NUDCD3: variants seen among roughly 807,000 people sequenced by gnomAD.
NUDCD3 encodes the protein NudC domain containing 3.
Under a neutral mutation model 39.7 loss-of-function variants are expected in NUDCD3, and 13 were observed. That is an observed-to-expected ratio of 0.33 (90% CI 0.21 to 0.52). NUDCD3 has a LOEUF of 0.52. NUDCD3 is among the 20% of genes least tolerant of loss of function. The pLI is 0.96. For synonymous variants in NUDCD3, 175 were observed against 172.4 expected (o/e 1.02, Z -0.12); for missense variants, 453 against 458.1 (o/e 0.99, Z 0.10).
At chr7:44,404,821 G>A (rs1563166964) in intron 3 of NUDCD3, among the ~76,000 whole-genome samples, 2 of 152,200 alleles carry the variant, frequency 1.3e-5, no homozygotes, top group East Asian at 1.9e-4. Context: ...AACTGGTAAC[G>A]TAAAATGCTG....
intron 2 of NUDCD3, among the ~76,000 whole-genome samples, chr7:44,474,182 CAA>C (rs11443298): frequency 0.16 from 18,910 of 119,826 alleles, 1,557 homozygotes; most frequent in Non-Finnish European, 0.23. Context: ...TTTCCAACAT[CAA>C]AAAAAAAAAA....
At chr7:44,451,437 C>T (rs777234965) in intron 2 of NUDCD3, among the ~76,000 whole-genome samples, 4 of 152,074 alleles carry the variant, frequency 2.6e-5, no homozygotes, top group African/African-American at 7.2e-5. Context: ...ACAATGTGAA[C>T]GTACTTAATG....
intron 5 of NUDCD3, among the ~76,000 whole-genome samples, chr7:44,388,481 TA>T (rs1563162266): frequency 6.6e-6 from 1 of 152,156 alleles, no homozygotes; most frequent in Non-Finnish European, 1.5e-5. Context: ...TTTGATTTTC[TA>T]AAAAAAGGCT....
At chr7:44,463,390 AT>A (rs1452172192) in intron 2 of NUDCD3, among the ~76,000 whole-genome samples, 3 of 152,214 alleles carry the variant, frequency 2.0e-5, no homozygotes, top group Admixed American at 2.0e-4. Flanking sequence ...AGCAGCTGAC[AT>A]AGTCCATGCC....
At chr7:44,471,294 T>C (rs1800252211) in intron 2 of NUDCD3, among the ~76,000 whole-genome samples, 1 of 152,258 alleles carries the variant, frequency 6.6e-6, no homozygotes, top group Non-Finnish European at 1.5e-5. Context: ...ACAATGAAAA[T>C]GCTATGTAAA....
At chr7:44,473,432 A>C (rs1051443762) in intron 2 of NUDCD3, among the ~76,000 whole-genome samples, 2 of 152,172 alleles carry the variant, frequency 1.3e-5, no homozygotes, top group African/African-American at 2.4e-5. Flanking sequence ...AAGAGTTGTG[A>C]GGACAGTGAA....
chr7:44,437,375 T>C (rs751710505), intron 2 of NUDCD3, among the ~76,000 whole-genome samples: 6 of 152,198 alleles, frequency 3.9e-5, no homozygotes, highest in Non-Finnish European at 5.9e-5. Flanking sequence ...GCCATTACCA[T>C]TCGACCTTTG....
At chr7:44,415,049 T>C (rs941973686) in intron 3 of NUDCD3, among the ~76,000 whole-genome samples, 16 of 152,182 alleles carry the variant, frequency 1.1e-4, no homozygotes, top group African/African-American at 3.4e-4. Flanking sequence ...TGTCACTCAA[T>C]AACATCCAAT....
chr7:44,468,186 C>T, intron 2 of NUDCD3: 2 of 1,601,408 alleles, frequency 1.2e-6, no homozygotes, highest in East Asian at 2.2e-5. Flanking sequence ...TCTTACTGTG[C>T]CGAGATCGCT....
intron 2 of NUDCD3, among the ~76,000 whole-genome samples, chr7:44,447,846 C>G (rs1799715431): frequency 6.6e-6 from 1 of 152,140 alleles, no homozygotes; most frequent in African/African-American, 2.4e-5. Context: ...AAGGGACAGG[C>G]CATCAGCAAG....
At chr7:44,423,363 CAG>C (rs1799175428) in intron 3 of NUDCD3, among the ~76,000 whole-genome samples, 1 of 152,156 alleles carries the variant, frequency 6.6e-6, no homozygotes, top group Non-Finnish European at 1.5e-5. Context: ...TCTCTGTTTG[CAG>C]ATGACATGAT....
intron 4 of NUDCD3, among the ~76,000 whole-genome samples, chr7:44,400,751 T>C (rs1182216598): frequency 1.3e-5 from 2 of 152,348 alleles, no homozygotes; most frequent in East Asian, 1.9e-4. Context: ...TTGGTGGTTA[T>C]ATCATTCATC....
chr7:44,456,693 C>A lies in NUDCD3; in HGVS notation c.509+28275G>T, dbSNP rs190894032. On this transcript the variant is annotated intron_variant, in intron 2 of 5. Transcript: ENST00000355451. ...ATTGCTTGAGCCCAGGAGGTCGAGG[C>A]TACAGTGAGCCATGATTGCACCACT... Among the ~76,000 whole-genome samples the A allele has an allele frequency of 3.3e-5, 5 of 151,702 alleles. No homozygotes were observed. In the East Asian group the frequency reaches 7.7e-4, roughly 23 times the overall value.
At chr7:44,477,885 G>A (rs1800408601) in intron 2 of NUDCD3, among the ~76,000 whole-genome samples, 1 of 143,870 alleles carries the variant, frequency 7.0e-6, no homozygotes, top group Admixed American at 7.1e-5. Context: ...CCAGGCTGGA[G>A]TGCAGTGGCA....
Position 44,419,514 on chromosome 7 carries a change from C to T in NUDCD3, c.642+8057G>A, listed in dbSNP as rs936047960. Among the ~76,000 whole-genome samples, 55 of 151,234 alleles carry T rather than the reference C, an allele frequency of 3.6e-4. 1 individual carries two copies. The highest frequency in any genetic ancestry group is 1.3e-3 in the African/African-American group (54 of 40,552). On this transcript the variant is annotated intron_variant, in intron 3 of 5. Coordinates refer to ENST00000355451, the MANE Select transcript of NUDCD3 (RefSeq NM_015332.4). ...CGAGCTCTGCTAAGGGACAGACTGC[C>T]TCCTCAAGTGGGTCCCTGACCCCCA...
chr7:44,402,067 G>T lies in NUDCD3; in HGVS notation c.786+2373C>A, dbSNP rs79405777. On this transcript the variant is annotated intron_variant, in intron 4 of 5. Coordinates refer to ENST00000355451, the MANE Select transcript of NUDCD3 (RefSeq NM_015332.4). ...AAACGGAGCAATGCTTCCCAGCCCC[G>T]ACAGGTCTGAGCCTTCTCCAGAGAC... is the stretch of plus-strand genomic sequence containing the variant. Among the ~76,000 whole-genome samples the T allele has an allele frequency of 4.4e-3, 667 of 152,296 alleles. 7 individuals are homozygous for T. Among genetic ancestry groups the T allele is most frequent in the African/African-American group, 0.015 (622 of 41,556 alleles).
At chr7:44,400,508 C>T (rs1424678863) in intron 4 of NUDCD3, among the ~76,000 whole-genome samples, 1 of 152,262 alleles carries the variant, frequency 6.6e-6, no homozygotes, top group African/African-American at 2.4e-5. Context: ...TCCTTCTCAT[C>T]TCATGCAGCC....
At chr7:44,392,613 T>C (rs1798542519) in intron 4 of NUDCD3, 128 bp from the exon 5 acceptor site, 2 of 769,366 alleles carry the variant, frequency 2.6e-6, no homozygotes, top group South Asian at 3.6e-5. Context: ...CAAAGGGAGG[T>C]GACAGACAAG....
intron 3 of NUDCD3, 107 bp downstream of exon 3, chr7:44,427,464 C>A: frequency 7.7e-7 from 1 of 1,292,944 alleles, no homozygotes; most frequent in Non-Finnish European, 1.1e-6. Flanking sequence ...CACCTCACAT[C>A]CTAAAGCCGA....
Sources: gnomAD v4.1 joint callset for allele counts (sites outside exome capture counted in the v4.1 genomes callset) on GRCh38, gnomAD v4.1.1 for gene constraint, MANE v1.5 for transcripts, NCBI Gene and HGNC (gene_info 2026-07-23, HGNC 2026-07-21) for gene names.